The following RAB6B variants were observed in gnomAD, a reference collection of about 807,000 sequenced individuals.
RAB6B encodes the protein RAB6B, member RAS oncogene family, also known as ras-related protein Rab-6B.
Under a neutral mutation model 31.2 loss-of-function variants are expected in RAB6B, and 7 were observed. The ratio of observed to expected loss-of-function variants is 0.22; its 90% confidence interval spans 0.13 to 0.42. RAB6B has a LOEUF of 0.42. Ranked by LOEUF, RAB6B falls within the 10% of genes least tolerant of loss-of-function variation. The pLI, the probability that RAB6B is intolerant of heterozygous loss-of-function variation, is 1.00. For synonymous variants in RAB6B, 105 were observed against 104.9 expected (o/e 1.00, Z -0.01); for missense variants, 149 against 280.6 (o/e 0.53, Z 3.35).
intron 2 of RAB6B, among the ~76,000 whole-genome samples, chr3:133,852,153 G>A (rs1395007225): frequency 2.6e-5 from 4 of 152,230 alleles, no homozygotes; most frequent in Non-Finnish European, 4.4e-5. Context: ...TGGGATTCCC[G>A]GGGCTGCGGG....
rs1446548994 is a variant in RAB6B, at chr3:133,827,027, G to A, written c.*1761C>T. 1.3e-5 allele frequency: 2 copies of A among 152,674 alleles called. No homozygotes were observed. The highest frequency in any genetic ancestry group is 2.4e-5 in the African/African-American group (1 of 41,460). 9.5% of individuals were successfully genotyped at this position (152,674 alleles called of 1,614,324 possible). On this transcript the variant is annotated 3_prime_UTR_variant, in exon 8 of 8. Coordinates refer to ENST00000285208, the MANE Select transcript of RAB6B (RefSeq NM_016577.4). The stretch of plus-strand genomic sequence containing the variant: ...CCTTGCCTTCTGCAAGAGGTGCTCA[G>A]TGGGATCCTGCTTCCTCTCTTCTTC...
At chr3:133,862,002 T>A (rs889671699) in intron 2 of RAB6B, among the ~76,000 whole-genome samples, 2 of 152,052 alleles carry the variant, frequency 1.3e-5, no homozygotes, top group African/African-American at 4.8e-5. Context: ...AAATAACATT[T>A]CCCCTTCTCC....
At chr3:133,855,601 T>C (rs376417696) in intron 2 of RAB6B, among the ~76,000 whole-genome samples, 5 of 152,250 alleles carry the variant, frequency 3.3e-5, no homozygotes, top group South Asian at 4.2e-4. Context: ...TCCCAAAGGG[T>C]GACAAATGGA....
chr3:133,828,725 T>C lies in RAB6B; in HGVS notation c.*63A>G, dbSNP rs1935611768. On this transcript the variant is annotated 3_prime_UTR_variant, in exon 8 of 8. Coordinates refer to ENST00000285208, the MANE Select transcript of RAB6B (RefSeq NM_016577.4). ...TCGGTTCCCTCCCCCCTTAGGAAGC[T>C]AGCCAATAGGAAGCAACACAACAAG... 2 of 1,453,466 alleles carry C rather than the reference T, an allele frequency of 1.4e-6. No individual in the cohort carries two copies. The highest frequency in any genetic ancestry group is 2.5e-5 in the East Asian group (1 of 39,822). The allele number at this position is 1,453,466 out of a possible 1,614,324, so 90.0% of individuals were successfully genotyped here.
intron 1 of RAB6B, among the ~76,000 whole-genome samples, chr3:133,872,554 G>A (rs1936341433): frequency 6.6e-6 from 1 of 152,174 alleles, no homozygotes; most frequent in Non-Finnish European, 1.5e-5. Flanking sequence ...CAAACAGAAA[G>A]TCCAGCCCTA....
intron 6 of RAB6B, among the ~76,000 whole-genome samples, chr3:133,835,158 C>A (rs1264970764): frequency 6.6e-6 from 1 of 152,110 alleles, no homozygotes; most frequent in Non-Finnish European, 1.5e-5. Context: ...TCTCTGAGAG[C>A]GCGAGGGATG....
At chr3:133,845,714 T>C (rs1016082742) in intron 2 of RAB6B, among the ~76,000 whole-genome samples, 1 of 152,136 alleles carries the variant, frequency 6.6e-6, no homozygotes. Context: ...GACTATAACT[T>C]ATTATTCATG....
intron 2 of RAB6B, among the ~76,000 whole-genome samples, chr3:133,843,576 G>A (rs1211436990): frequency 6.6e-6 from 1 of 152,216 alleles, no homozygotes; most frequent in Non-Finnish European, 1.5e-5. Context: ...AGGTGCATGA[G>A]CTTAGGACTG....
In RAB6B at chr3:133,871,543, C is replaced by A. The variant is rs577941179; in HGVS notation, c.71-6901G>T. On this transcript the variant is annotated intron_variant, in intron 1 of 7. Coordinates refer to ENST00000285208, the MANE Select transcript of RAB6B (RefSeq NM_016577.4). Reference sequence around the variant, plus strand: ...TTGGGGCCAGTGGCTATGAGGACTTCTGGTCTTGTCTTGTGCCCACATCAC... The same window carrying A: ...TTGGGGCCAGTGGCTATGAGGACTTATGGTCTTGTCTTGTGCCCACATCAC... Among the ~76,000 whole-genome samples the A allele has an allele frequency of 4.6e-5, 7 of 152,354 alleles. No homozygotes were observed. In the South Asian group the frequency reaches 6.2e-4, roughly 14 times the overall value.
chr3:133,871,673 G>A (rs1289791626), intron 1 of RAB6B, among the ~76,000 whole-genome samples: 1 of 152,252 alleles, frequency 6.6e-6, no homozygotes, highest in African/African-American at 2.4e-5. Context: ...GCGGGTGTGG[G>A]TGTGGGTGGA....
rs573377595 is a variant in RAB6B, at chr3:133,833,996, C to A, written c.562+579G>T. Among the ~76,000 whole-genome samples the A allele has an allele frequency of 2.0e-5, 3 of 152,308 alleles. No individual in the cohort carries two copies. The East Asian group carries it at 5.8e-4, about 29-fold the overall frequency. On this transcript the variant is annotated intron_variant, in intron 7 of 7. Coordinates refer to ENST00000285208, the MANE Select transcript of RAB6B (RefSeq NM_016577.4). ...AACTTACATGCTGTGTGACACTGGGCAAACCAGACTACCTCTCTGAACCTC... is the reference window on the plus strand; with the variant it reads ...AACTTACATGCTGTGTGACACTGGGAAAACCAGACTACCTCTCTGAACCTC...
chr3:133,892,382 G>A (rs958156298), intron 1 of RAB6B, among the ~76,000 whole-genome samples: 15 of 152,126 alleles, frequency 9.9e-5, no homozygotes, highest in African/African-American at 3.1e-4. Context: ...CTGCCAGGAG[G>A]GGGGCTCTTT....
intron 1 of RAB6B, among the ~76,000 whole-genome samples, chr3:133,879,983 G>C (rs1936444152): frequency 6.6e-6 from 1 of 152,174 alleles, no homozygotes; most frequent in Non-Finnish European, 1.5e-5. Flanking sequence ...CAATTGGTTT[G>C]AGGCTCAACC....
intron 7 of RAB6B, 91 bp from the exon 8 acceptor site, chr3:133,828,943 G>GT: frequency 8.2e-7 from 1 of 1,225,652 alleles, no homozygotes; most frequent in Non-Finnish European, 1.1e-6. Context: ...CTACTGCTCT[G>GT]TTTCTCTGCA....
At chr3:133,894,089 TAC>T (rs1275659299) in intron 1 of RAB6B, among the ~76,000 whole-genome samples, 1 of 152,232 alleles carries the variant, frequency 6.6e-6, no homozygotes, top group East Asian at 1.9e-4. Flanking sequence ...AACCCTCATG[TAC>T]ACACAGCACA....
At chr3:133,858,542 C>A (rs1218448012) in intron 2 of RAB6B, among the ~76,000 whole-genome samples, 5 of 152,184 alleles carry the variant, frequency 3.3e-5, no homozygotes, top group Non-Finnish European at 7.3e-5. Flanking sequence ...CCTGTGTCCT[C>A]ACATTGTCTT....
intron 2 of RAB6B, among the ~76,000 whole-genome samples, chr3:133,843,592 AG>A (rs1278563771): frequency 6.6e-6 from 1 of 152,230 alleles, no homozygotes; most frequent in Non-Finnish European, 1.5e-5. Context: ...GACTGGTGGC[AG>A]GGACTGCTGG....
Position 133,895,563 on chromosome 3 carries a change from G to C in RAB6B, c.-97C>G, listed in dbSNP as rs2108020301. The C allele has an allele frequency of 1.6e-6, 2 of 1,250,534 alleles. No homozygotes were observed. The highest frequency in any genetic ancestry group is 2.3e-6 in the Non-Finnish European group (2 of 876,252). 77.5% of individuals were successfully genotyped at this position (1,250,534 alleles called of 1,614,324 possible). A position where few individuals can be genotyped will look rare whatever the true frequency, so the allele number is the denominator to read the frequency against. The stretch of plus-strand genomic sequence containing the variant: ...GCGAGGGGAGGCGGCCGGCGGTGCG[G>C]GAGCCGGAGGGGGAAGGGCTGGCTG... On this transcript the variant is annotated 5_prime_UTR_variant, in exon 1 of 8. Transcript: ENST00000285208.
At position 133,841,227 on chromosome 3, in the gene RAB6B, C is replaced by T. The variant is rs1315506369; in HGVS notation, c.289+58G>A. ...ATGCACACAGGCCTGGCCAGGGTCA[C>T]ACCTGGGCCCTGGACCCCCTATGAG... is the stretch of plus-strand genomic sequence containing the variant. On this transcript the variant is annotated intron_variant, in intron 4 of 7. Coordinates refer to ENST00000285208, the MANE Select transcript of RAB6B (RefSeq NM_016577.4). The T allele has an allele frequency of 1.2e-5, 19 of 1,539,220 alleles. No individual in the cohort carries two copies. The East Asian group carries it at 3.6e-4, about 29-fold the overall frequency.
Sources: gnomAD v4.1 joint callset for allele counts (sites outside exome capture counted in the v4.1 genomes callset) on GRCh38, gnomAD v4.1.1 for gene constraint, MANE v1.5 for transcripts, NCBI Gene and HGNC (gene_info 2026-07-23, HGNC 2026-07-21) for gene names.